The following STXBP5 variants were observed in gnomAD, a reference collection of about 807,000 sequenced individuals.
STXBP5 encodes the protein syntaxin binding protein 5.
A neutral mutation model predicts 152.4 loss-of-function variants in STXBP5; 50 were observed. That is an observed-to-expected ratio of 0.33 (90% CI 0.26 to 0.42). The LOEUF (loss-of-function observed/expected upper bound fraction) is 0.42, where lower values mean the gene tolerates loss of function less well. STXBP5 is among the 10% of genes least tolerant of loss of function. STXBP5 has a pLI of 1.00. For missense variants in STXBP5, 1,167 were observed against 1,388.6 expected (o/e 0.84, Z 2.54); for synonymous variants, 492 against 494.7 (o/e 0.99, Z 0.07).
At chr6:147,321,168 A>C (rs1041443610) in intron 16 of STXBP5, among the ~76,000 whole-genome samples, 1 of 152,214 alleles carries the variant, frequency 6.6e-6, no homozygotes, top group Non-Finnish European at 1.5e-5. Context: ...ATAGTCTTCA[A>C]ATAAATGCAG....
At chr6:147,377,723 C>G (rs550058069) in intron 26 of STXBP5, among the ~76,000 whole-genome samples, 13 of 152,082 alleles carry the variant, frequency 8.5e-5, no homozygotes, top group Non-Finnish European at 1.5e-4. Context: ...CTTTTTACCT[C>G]CCAAAGGCCC....
chr6:147,246,960 C>T (rs974109523), intron 4 of STXBP5, among the ~76,000 whole-genome samples: 3 of 152,206 alleles, frequency 2.0e-5, no homozygotes, highest in Admixed American at 6.5e-5. Context: ...TATATAGAAA[C>T]GAAAACTCAT....
chr6:147,334,128 T>G (rs761284471), intron 18 of STXBP5, 29 bp from the exon 19 acceptor site: 2 of 1,603,818 alleles, frequency 1.2e-6, no homozygotes, highest in South Asian at 1.1e-5. Context: ...AATGTATGGG[T>G]TGATTTGTTT....
intron 2 of STXBP5, among the ~76,000 whole-genome samples, chr6:147,216,520 G>A (rs1326912405): frequency 6.6e-6 from 1 of 152,026 alleles, no homozygotes; most frequent in Non-Finnish European, 1.5e-5. Context: ...TAATTTCATT[G>A]GAAACTGAAA....
chr6:147,250,286 T>A (rs1779017483), intron 4 of STXBP5, among the ~76,000 whole-genome samples: 1 of 152,162 alleles, frequency 6.6e-6, no homozygotes, highest in Non-Finnish European at 1.5e-5. Context: ...ACTAATAAAC[T>A]CCTTTTTACC....
chr6:147,226,535 A>G (rs368826499), intron 2 of STXBP5, among the ~76,000 whole-genome samples: 1 of 152,352 alleles, frequency 6.6e-6, no homozygotes, highest in East Asian at 1.9e-4. Flanking sequence ...AGATGGTCCC[A>G]ACTGAAGGAA....
chr6:147,319,661 A>G (rs907964003), intron 16 of STXBP5, among the ~76,000 whole-genome samples: 1 of 152,074 alleles, frequency 6.6e-6, no homozygotes, highest in Admixed American at 6.6e-5. Flanking sequence ...TGTCAGATAG[A>G]GGTAAACTGC....
intron 2 of STXBP5, among the ~76,000 whole-genome samples, chr6:147,233,066 T>TATGTC (rs1491359967): frequency 1.3e-5 from 2 of 151,836 alleles, no homozygotes; most frequent in African/African-American, 4.8e-5. Flanking sequence ...CCAATCTGTT[T>TATGTC]ATGTCTATTG....
intron 4 of STXBP5, among the ~76,000 whole-genome samples, chr6:147,247,237 C>T (rs935135058): frequency 3.9e-5 from 6 of 152,128 alleles, no homozygotes; most frequent in Admixed American, 3.3e-4. Flanking sequence ...CTCTGCTAAT[C>T]GCATAACATT....
At chr6:147,346,126 G>T (rs1010630179) in intron 21 of STXBP5, among the ~76,000 whole-genome samples, 4 of 152,176 alleles carry the variant, frequency 2.6e-5, no homozygotes, top group Non-Finnish European at 4.4e-5. Flanking sequence ...CAGTTTGAAG[G>T]TCACAATAGA....
chr6:147,239,461 A>G (rs1363604480), intron 4 of STXBP5, among the ~76,000 whole-genome samples, 191 bp downstream of exon 4: 1 of 152,240 alleles, frequency 6.6e-6, no homozygotes. Context: ...CAGCAACCAC[A>G]TAAATTTCTT....
intron 2 of STXBP5, among the ~76,000 whole-genome samples, chr6:147,207,506 T>C (rs1776631058): frequency 6.6e-6 from 1 of 152,188 alleles, no homozygotes; most frequent in African/African-American, 2.4e-5. Context: ...AATTGTTAGA[T>C]ATTTTTATTC....
intron 8 of STXBP5, among the ~76,000 whole-genome samples, chr6:147,282,038 C>T (rs1156984045): frequency 6.6e-6 from 1 of 152,148 alleles, no homozygotes; most frequent in Non-Finnish European, 1.5e-5. Context: ...GTGATAGGCA[C>T]TTTTCTTAGC....
intron 9 of STXBP5, among the ~76,000 whole-genome samples, chr6:147,306,126 C>T (rs760822686): frequency 6.6e-6 from 1 of 152,208 alleles, no homozygotes; most frequent in Non-Finnish European, 1.5e-5. Context: ...TGGGAAGCAT[C>T]TGAAATCCTG....
chr6:147,255,570 C>T (rs546861775), intron 4 of STXBP5, among the ~76,000 whole-genome samples: 5 of 152,272 alleles, frequency 3.3e-5, no homozygotes, highest in Non-Finnish European at 7.4e-5. Context: ...TCATGGCTCA[C>T]TGCTCAAGCA....
chr6:147,325,759 G>A (rs2128385615), intron 17 of STXBP5, among the ~76,000 whole-genome samples: 1 of 152,120 alleles, frequency 6.6e-6, no homozygotes, highest in Middle Eastern at 3.4e-3. Context: ...GCTAGCCCTA[G>A]GGACTCATTC....
chr6:147,204,591 C>T lies in STXBP5; in HGVS notation c.59C>T (p.Ala20Val), dbSNP rs1776439512. ...LDGLTAGSSSASQQQQQQHPP... is the reference protein window; with the variant it reads ...LDGLTAGSSSVSQQQQQQHPP... The stretch of plus-strand genomic sequence containing the variant: ...GGCCTGACCGCCGGCTCGTCCTCGG[C>T]GTCGCAGCAGCAACAGCAGCAGCAT... The change falls in exon 1 of 28, where the codon GCG (alanine) becomes GTG (valine). Residue 20 changes from alanine to valine, a missense_variant. By Grantham distance (64) the Ala-to-Val change is moderately conservative. Coordinates refer to ENST00000321680, the MANE Select transcript of STXBP5 (RefSeq NM_001127715.4). The surrounding 1 kb of genome is among the most constrained non-coding windows in gnomAD (Gnocchi z 4.3). The T allele has an allele frequency of 2.5e-6, 4 of 1,609,578 alleles. No individual in the cohort carries two copies. Among genetic ancestry groups the T allele is most frequent in the Admixed American group, 1.7e-5 (1 of 59,712 alleles).
chr6:147,366,879 A>G (rs1331335753), intron 25 of STXBP5, among the ~76,000 whole-genome samples: 1 of 152,248 alleles, frequency 6.6e-6, no homozygotes, highest in Non-Finnish European at 1.5e-5. Context: ...GAAATTCAAG[A>G]AAACTTAAAG....
At chr6:147,246,712 AGTAAT>A (rs1778826595) in intron 4 of STXBP5, among the ~76,000 whole-genome samples, 1 of 152,172 alleles carries the variant, frequency 6.6e-6, no homozygotes, top group Admixed American at 6.5e-5. Context: ...TTCATTCTAA[AGTAAT>A]GAAAGGGAAG....
Sources: gnomAD v4.1 joint callset for allele counts (sites outside exome capture counted in the v4.1 genomes callset) on GRCh38, gnomAD v4.1.1 for gene constraint, Gnocchi (gnomAD v3.1) non-coding constraint, MANE v1.5 for transcripts, NCBI Gene and HGNC (gene_info 2026-07-23, HGNC 2026-07-21) for gene names.